Variants in NAV2 observed in about 807,000 individuals in gnomAD.
NAV2 encodes helicase, APC down-regulated 1.
A neutral mutation model predicts 223.2 loss-of-function variants in NAV2; 54 were observed. The observed-to-expected ratio is 0.24, with a 90% CI of 0.19 to 0.30. NAV2 has a LOEUF of 0.30. Among genes scored for constraint, NAV2 ranks in the 10% least tolerant of loss-of-function variants. The pLI, the probability that NAV2 is intolerant of heterozygous loss-of-function variation, is 1.00. For synonymous variants in NAV2, 1,279 were observed against 1,239.3 expected (o/e 1.03, Z -0.67); for missense variants, 2,806 against 3,147.5 (o/e 0.89, Z 2.60).
At chr11:19,526,151 T>C (rs2043836659) in intron 1 of NAV2, among the ~76,000 whole-genome samples, 1 of 152,134 alleles carries the variant, frequency 6.6e-6, no homozygotes, top group South Asian at 2.1e-4. Flanking sequence ...TTTAAAAAAA[T>C]CACCCCAGGG....
At position 20,059,201 on chromosome 11, in the gene NAV2, T is replaced by G. The variant is rs561400025; in HGVS notation, c.4832-3106T>G. 2.6e-5 allele frequency among the ~76,000 whole-genome samples: 4 copies of G among 152,290 alleles called. No homozygotes were observed. The South Asian group carries it at 8.3e-4, about 32-fold the overall frequency. ...CATTAGCCATCAGCACTGCATTTCA[T>G]TCTTCTGACTCTTTCCACAGTACCC... On this transcript the variant is annotated intron_variant, in intron 19 of 37. Coordinates refer to ENST00000349880, the MANE Select transcript of NAV2 (RefSeq NM_145117.5).
chr11:19,397,063 T>G (rs1029302448), intron 1 of NAV2, among the ~76,000 whole-genome samples: 31 of 152,282 alleles, frequency 2.0e-4, no homozygotes, highest in African/African-American at 7.2e-4. Context: ...ACACGTGGTC[T>G]TGAGTCTGTT....
intron 36 of NAV2, among the ~76,000 whole-genome samples, chr11:20,110,939 G>A (rs900835277): frequency 6.6e-6 from 1 of 152,122 alleles, no homozygotes; most frequent in Non-Finnish European, 1.5e-5. Context: ...GGGATGGAGC[G>A]CTGCCCATGG....
At chr11:19,507,617 C>T (rs1374422681) in intron 1 of NAV2, among the ~76,000 whole-genome samples, 1 of 152,114 alleles carries the variant, frequency 6.6e-6, no homozygotes, top group Non-Finnish European at 1.5e-5. Flanking sequence ...GTTGGAGGAA[C>T]ATTGAAAATA....
At chr11:19,512,248 T>A (rs1278344695) in intron 1 of NAV2, among the ~76,000 whole-genome samples, 1 of 152,140 alleles carries the variant, frequency 6.6e-6, no homozygotes, top group Non-Finnish European at 1.5e-5. Context: ...TGGCAGTTTG[T>A]CTTGAGGGAC....
At chr11:19,672,235 C>T (rs1250432122) in intron 1 of NAV2, among the ~76,000 whole-genome samples, 2 of 152,218 alleles carry the variant, frequency 1.3e-5, no homozygotes, top group Non-Finnish European at 2.9e-5. Flanking sequence ...CCCAGCCCAA[C>T]ACCAGGTCCT....
In NAV2 at chr11:20,004,069, A is replaced by G. The variant is rs141607024; in HGVS notation, c.2768+19822A>G. On this transcript the variant is annotated intron_variant, in intron 11 of 37. Coordinates refer to ENST00000349880, the MANE Select transcript of NAV2 (RefSeq NM_145117.5). ...TCTTAACTTGCTGGTGAACTCCTGA[A>G]AATTGGTTCCCAAACACCAGGGGTC... Among the ~76,000 whole-genome samples the G allele has an allele frequency of 4.9e-3, 741 of 152,298 alleles. 3 individuals carry two copies. The highest frequency in any genetic ancestry group is 0.017 in the African/African-American group (717 of 41,572).
chr11:19,950,463 A>G (rs1479470774), intron 10 of NAV2, among the ~76,000 whole-genome samples: 1 of 152,250 alleles, frequency 6.6e-6, no homozygotes, highest in Non-Finnish European at 1.5e-5. Flanking sequence ...ATAGTGTACC[A>G]TCTTGCCAAC....
intron 1 of NAV2, among the ~76,000 whole-genome samples, chr11:19,792,754 A>T (rs977652285): frequency 6.6e-6 from 1 of 152,142 alleles, no homozygotes. Flanking sequence ...GGTTTACTGA[A>T]GCATCATGCC....
chr11:19,892,020 G>T (rs745468885), intron 5 of NAV2, among the ~76,000 whole-genome samples: 3 of 152,090 alleles, frequency 2.0e-5, no homozygotes, highest in African/African-American at 7.2e-5. Flanking sequence ...GTGCAATGGC[G>T]TGATCTTAGC....
chr11:19,818,990 C>T (rs1396310424), intron 1 of NAV2, among the ~76,000 whole-genome samples: 2 of 152,302 alleles, frequency 1.3e-5, no homozygotes, highest in South Asian at 2.1e-4. Flanking sequence ...TCCATCTGAA[C>T]ATTCACCAGT....
intron 1 of NAV2, among the ~76,000 whole-genome samples, chr11:19,560,206 G>GA (rs1018204450): frequency 1.7e-4 from 26 of 151,748 alleles, no homozygotes; most frequent in African/African-American, 5.6e-4. Context: ...CTTAAAAAGA[G>GA]AAAAAAAAGA....
intron 14 of NAV2, among the ~76,000 whole-genome samples, chr11:20,047,459 A>G (rs1010893973): frequency 6.6e-6 from 1 of 152,222 alleles, no homozygotes; most frequent in African/African-American, 2.4e-5. Context: ...AGACTTTTGT[A>G]TGTAGTCATG....
chr11:19,364,446 T>C (rs888889971), intron 1 of NAV2, among the ~76,000 whole-genome samples: 4 of 152,208 alleles, frequency 2.6e-5, no homozygotes, highest in Non-Finnish European at 4.4e-5. Context: ...GTGGCCAGAC[T>C]TTCTCTTGAA....
intron 1 of NAV2, among the ~76,000 whole-genome samples, chr11:19,598,665 G>A (rs1728303110): frequency 6.6e-6 from 1 of 152,154 alleles, no homozygotes; most frequent in Admixed American, 6.5e-5. Context: ...CACACAGAAA[G>A]ATTAAGGAAT....
At chr11:19,533,220 T>C (rs1050165374) in intron 1 of NAV2, among the ~76,000 whole-genome samples, 10 of 151,340 alleles carry the variant, frequency 6.6e-5, no homozygotes, top group African/African-American at 2.2e-4. Flanking sequence ...CTCAGCACAA[T>C]TGACGTTTGG....
intron 11 of NAV2, among the ~76,000 whole-genome samples, chr11:20,020,425 GC>G (rs1178296036): frequency 6.6e-6 from 1 of 152,226 alleles, no homozygotes; most frequent in African/African-American, 2.4e-5. Flanking sequence ...CTTGAAAAGC[GC>G]CAAAGGGCAT....
chr11:19,393,308 C>G (rs890128996), intron 1 of NAV2, among the ~76,000 whole-genome samples: 1 of 152,224 alleles, frequency 6.6e-6, no homozygotes, highest in Non-Finnish European at 1.5e-5. Context: ...AGGTGCCAGA[C>G]AGGCCTATAT....
intron 37 of NAV2, among the ~76,000 whole-genome samples, chr11:20,115,141 T>C (rs2062950563): frequency 9.6e-6 from 1 of 103,674 alleles, no homozygotes; most frequent in East Asian, 2.2e-4. Flanking sequence ...CTCCTACCGA[T>C]AGCAGAGCAG....
Sources: gnomAD v4.1 joint callset for allele counts (sites outside exome capture counted in the v4.1 genomes callset) on GRCh38, gnomAD v4.1.1 for gene constraint, MANE v1.5 for transcripts, NCBI Gene and HGNC (gene_info 2026-07-23, HGNC 2026-07-21) for gene names.